Variants in CLVS1 observed in about 807,000 individuals in gnomAD.
CLVS1 encodes the protein clavesin-1.
In CLVS1, 10 loss-of-function variants were observed where a neutral mutation model predicts 33.1. That is an observed-to-expected ratio of 0.30 (90% CI 0.19 to 0.51). The LOEUF is 0.51. Among genes scored for constraint, CLVS1 ranks in the 20% least tolerant of loss-of-function variants. The pLI, the probability that CLVS1 is intolerant of heterozygous loss-of-function variation, is 0.97. For missense variants in CLVS1, 343 were observed against 433.4 expected (o/e 0.79, Z 1.85); for synonymous variants, 163 against 166.1 (o/e 0.98, Z 0.14).
Position 61,499,514 on chromosome 8 carries a change from A to C in CLVS1, c.1037A>C (p.Asn346Thr), listed in dbSNP as rs775052625. ...LKHEEKGENENTQPLLALD is the reference protein window; with the variant it reads ...LKHEEKGENETTQPLLALD ...CATGAGGAGAAGGGAGAGAATGAGA[A>C]CACCCAGCCACTCCTGGCTCTGGAC... The change falls in exon 6 of 6, where the codon AAC (asparagine) becomes ACC (threonine). Residue 346 changes from asparagine to threonine, a missense_variant. Asn to Thr is a moderately conservative substitution (Grantham distance 65, BLOSUM62 0). Around this residue, in one of 4 missense-constraint regions of CLVS1, gnomAD observed 86 missense variants for 95.0 expected, o/e 0.91. Transcript: ENST00000325897. The C allele has an allele frequency of 1.3e-5, 21 of 1,613,708 alleles. 1 individual carries two copies. The Middle Eastern group carries it at 5.0e-4, about 38-fold the overall frequency.
chr8:61,084,080 G>T (rs1021423789), intron 1 of CLVS1, among the ~76,000 whole-genome samples: 2 of 152,140 alleles, frequency 1.3e-5, no homozygotes, highest in Non-Finnish European at 2.9e-5. Flanking sequence ...ACATCCTTAG[G>T]CTACTGAGAA....
intron 1 of CLVS1, among the ~76,000 whole-genome samples, chr8:61,078,817 T>A (rs1459378887): frequency 1.3e-5 from 2 of 152,220 alleles, no homozygotes; most frequent in African/African-American, 4.8e-5. Flanking sequence ...GAATTGGATA[T>A]CATTGCAACA....
intron 3 of CLVS1, among the ~76,000 whole-genome samples, chr8:61,381,975 G>C (rs775542213): frequency 1.3e-5 from 2 of 152,114 alleles, no homozygotes; most frequent in Non-Finnish European, 2.9e-5. Flanking sequence ...TTGCTGGGTT[G>C]AATGGTAATT....
intron 2 of CLVS1, among the ~76,000 whole-genome samples, chr8:61,336,445 T>G (rs758817301): frequency 9.8e-5 from 15 of 152,312 alleles, no homozygotes; most frequent in Non-Finnish European, 1.8e-4. Flanking sequence ...GCTTCGAGTT[T>G]GGCATCATGC....
At chr8:61,413,880 CA>C (rs1388526675) in intron 3 of CLVS1, among the ~76,000 whole-genome samples, 1 of 152,244 alleles carries the variant, frequency 6.6e-6, no homozygotes, top group Non-Finnish European at 1.5e-5. Flanking sequence ...ATGGCTAATG[CA>C]CAGGTGCCTC....
the CLVS1 span, among the ~76,000 whole-genome samples, chr8:61,016,644 G>A: frequency 6.6e-6 from 1 of 152,210 alleles, no homozygotes; most frequent in African/African-American, 2.4e-5. Context: ...CCAGGGGGTG[G>A]GGGAAGAAAA....
At chr8:61,317,321 A>G (rs185606374) in intron 2 of CLVS1, among the ~76,000 whole-genome samples, 30 of 152,278 alleles carry the variant, frequency 2.0e-4, no homozygotes, top group African/African-American at 5.3e-4. Flanking sequence ...TGCTGGGGGA[A>G]GCCACTTTTA....
chr8:61,205,826 T>C (rs1340806388), intron 2 of CLVS1, among the ~76,000 whole-genome samples: 3 of 152,216 alleles, frequency 2.0e-5, no homozygotes, highest in Non-Finnish European at 4.4e-5. Flanking sequence ...AGAATGTTCT[T>C]AACACTAAAC....
intron 2 of CLVS1, among the ~76,000 whole-genome samples, chr8:61,211,004 G>A (rs895648842): frequency 6.6e-6 from 1 of 152,124 alleles, no homozygotes; most frequent in Non-Finnish European, 1.5e-5. Flanking sequence ...AAGAGAGCAA[G>A]GGGAGAGTAA....
At chr8:61,085,957 A>C (rs1230594719) in intron 1 of CLVS1, among the ~76,000 whole-genome samples, 5 of 141,122 alleles carry the variant, frequency 3.5e-5, no homozygotes, top group Non-Finnish European at 7.6e-5. Flanking sequence ...AATGGCGTGA[A>C]CCGTGGAGGC....
At chr8:61,458,071 A>T (rs1026109455) in intron 4 of CLVS1, among the ~76,000 whole-genome samples, 2 of 152,264 alleles carry the variant, frequency 1.3e-5, no homozygotes, top group African/African-American at 4.8e-5. Context: ...ACAGCCAAGT[A>T]ATGCTCAATC....
At chr8:61,336,919 A>C (rs901393599) in intron 2 of CLVS1, among the ~76,000 whole-genome samples, 2 of 152,212 alleles carry the variant, frequency 1.3e-5, no homozygotes, top group Non-Finnish European at 2.9e-5. Context: ...TGTATCCAAA[A>C]CTACAGAGGG....
At chr8:61,170,928 G>T (rs1806982961) in intron 2 of CLVS1, among the ~76,000 whole-genome samples, 1 of 152,108 alleles carries the variant, frequency 6.6e-6, no homozygotes, top group Non-Finnish European at 1.5e-5. Context: ...AGAGAAAATT[G>T]GAAATGGTTA....
the CLVS1 span, among the ~76,000 whole-genome samples, chr8:60,993,699 T>C: frequency 7.2e-5 from 11 of 152,172 alleles, no homozygotes; most frequent in Admixed American, 1.3e-4. Context: ...ACGTGACCCA[T>C]TGCACAGCGG....
At chr8:61,215,409 A>C (rs556630502) in intron 2 of CLVS1, among the ~76,000 whole-genome samples, 3 of 152,226 alleles carry the variant, frequency 2.0e-5, no homozygotes, top group African/African-American at 7.2e-5. Context: ...GAGTAATTGT[A>C]CTAAAGTCAC....
intron 1 of CLVS1, among the ~76,000 whole-genome samples, chr8:61,095,213 T>G (rs909779429): frequency 7.9e-5 from 12 of 152,186 alleles, no homozygotes; most frequent in Non-Finnish European, 1.3e-4. Flanking sequence ...AAAACAAAAC[T>G]TAGTCAATTT....
rs546167649 is a variant in CLVS1, at chr8:61,083,485, G to T, written c.-243+26255G>T. On this transcript the variant is annotated intron_variant, in intron 1 of 2. Transcript: ENST00000522621. Reference sequence around the variant, plus strand: ...AACTGAGGGGGTTTGGGAGCCAGAGGCAGGGAGAACACAAAGACTGAGACC... The same window carrying T: ...AACTGAGGGGGTTTGGGAGCCAGAGTCAGGGAGAACACAAAGACTGAGACC... 3.3e-5 allele frequency among the ~76,000 whole-genome samples: 5 copies of T among 152,270 alleles called. No homozygotes were observed. In the South Asian group the frequency reaches 1.0e-3, roughly 32 times the overall value.
chr8:61,264,221 C>A (rs1184404659), intron 2 of CLVS1, among the ~76,000 whole-genome samples: 2 of 151,896 alleles, frequency 1.3e-5, no homozygotes, highest in Non-Finnish European at 2.9e-5. Context: ...CTCATTCAAT[C>A]CCACGATGTT....
intron 5 of CLVS1, among the ~76,000 whole-genome samples, chr8:61,484,063 A>G (rs776075242): frequency 1.9e-4 from 29 of 152,226 alleles, no homozygotes; most frequent in Non-Finnish European, 2.2e-4. Flanking sequence ...CACCACTCCT[A>G]TTCAACCTAC....
Sources: gnomAD v4.1 joint callset for allele counts (sites outside exome capture counted in the v4.1 genomes callset) on GRCh38, gnomAD v4.1.1 for gene constraint, gnomAD v4.1.1 regional missense constraint, MANE v1.5 for transcripts, NCBI Gene and HGNC (gene_info 2026-07-23, HGNC 2026-07-21) for gene names.